The following RBBP8 variants were observed in gnomAD, a reference collection of about 807,000 sequenced individuals.
The protein encoded by RBBP8 is RB binding protein 8, endonuclease.
RBBP8 carries 88 observed loss-of-function variants against 108.3 expected under a neutral mutation model. The observed-to-expected ratio is 0.81, with a 90% confidence interval of 0.68 to 0.97. The LOEUF (loss-of-function observed/expected upper bound fraction) is 0.97. Ranked by LOEUF, RBBP8 falls within the 50% of genes least tolerant of loss-of-function variation. The probability of loss-of-function intolerance (pLI) is 0.00; values close to 1 mark genes in which losing one functional copy is unlikely to be tolerated. For synonymous variants in RBBP8, 332 were observed against 348.2 expected (o/e 0.95, Z 0.52); for missense variants, 1,023 against 1,049.0 (o/e 0.98, Z 0.34).
intron 5 of RBBP8, among the ~76,000 whole-genome samples, chr18:22,973,554 A>G (rs1914277486): frequency 6.6e-6 from 1 of 150,920 alleles, no homozygotes; most frequent in Admixed American, 6.6e-5. Flanking sequence ...TCTTTTAATG[A>G]CCACCTGACT....
chr18:22,921,590 T>A (rs1012645988), intron 3 of RBBP8, among the ~76,000 whole-genome samples: 5 of 152,220 alleles, frequency 3.3e-5, no homozygotes, highest in Non-Finnish European at 5.9e-5. Context: ...CTGCTTTTCC[T>A]TTAGTTTTAT....
In RBBP8 at chr18:22,924,126, G is replaced by GTTT. The variant is rs1567937530; in HGVS notation, c.-153-5257_-153-5256insTTT. On this transcript the variant is annotated intron_variant, in intron 3 of 4. Transcript: ENST00000577588. ...AGCATTTTTTAGTTAGTTTGTTTTT[G>GTTT]GTTTTTTTTTTTTTTTTTTTTGAGA... Among the ~76,000 whole-genome samples, 82 of 78,794 alleles carry GTTT rather than the reference G, an allele frequency of 1.0e-3. 1 individual carries two copies. The highest frequency in any genetic ancestry group is 4.6e-3 in the South Asian group (9 of 1,972). 51.7% of individuals were successfully genotyped at this position (78,794 alleles called of 152,430 possible).
In RBBP8 at chr18:22,993,722, G is replaced by A; in HGVS notation, c.1814G>A (p.Ser605Asn). ...ETENVLDDIKSAGSHEPIKIQ... is the reference protein window; with the variant it reads ...ETENVLDDIKNAGSHEPIKIQ... Reference sequence around the variant, plus strand: ...AGCTAACAATTATTTCTGTTTTAGAGTGCTGGTTCTCATGAGCCAATAAAA... The same window carrying A: ...AGCTAACAATTATTTCTGTTTTAGAATGCTGGTTCTCATGAGCCAATAAAA... The change falls in exon 12 of 19, where the codon AGT (serine) becomes AAT (asparagine). Residue 605 changes from serine (S) to asparagine (N), a missense_variant and splice_region_variant. Ser to Asn is a conservative substitution (Grantham distance 46, BLOSUM62 1). Coordinates refer to ENST00000327155, the MANE Select transcript of RBBP8 (RefSeq NM_002894.3). 2 of 1,614,188 alleles carry A rather than the reference G, an allele frequency of 1.2e-6. No individual in the cohort carries two copies. The highest frequency in any genetic ancestry group is 1.7e-6 in the Non-Finnish European group (2 of 1,180,028).
chr18:23,002,304 G>A (rs952196119), intron 15 of RBBP8, among the ~76,000 whole-genome samples: 1 of 152,138 alleles, frequency 6.6e-6, no homozygotes, highest in Non-Finnish European at 1.5e-5. Flanking sequence ...GCTACTTGGG[G>A]GCTGGAGCGA....
chr18:23,018,762 C>T (rs961921248), intron 17 of RBBP8, among the ~76,000 whole-genome samples: 1 of 152,086 alleles, frequency 6.6e-6, no homozygotes, highest in Non-Finnish European at 1.5e-5. Flanking sequence ...ATGTAGAACC[C>T]AAGGATATGA....
At chr18:22,955,640 C>T (rs1199130383) in intron 4 of RBBP8, among the ~76,000 whole-genome samples, 24 of 150,638 alleles carry the variant, frequency 1.6e-4, no homozygotes, top group South Asian at 2.1e-4. Context: ...TGCAGTGGCG[C>T]GATCTCTGCT....
Position 22,961,098 on chromosome 18 carries a change from C to T in RBBP8, c.249-7708C>T, listed in dbSNP as rs548763890. 1.5e-4 allele frequency among the ~76,000 whole-genome samples: 23 copies of T among 152,312 alleles called. 1 individual carries two copies. The South Asian group carries it at 4.8e-3, about 32-fold the overall frequency. On this transcript the variant is annotated intron_variant, in intron 4 of 18. Coordinates refer to ENST00000327155, the MANE Select transcript of RBBP8 (RefSeq NM_002894.3). ...TTTTGTTTGTTTAATTAAAGTTGTACTAGCTCCTAGTTTAACTTGTAAAAA... is the reference window on the plus strand; with the variant it reads ...TTTTGTTTGTTTAATTAAAGTTGTATTAGCTCCTAGTTTAACTTGTAAAAA...
At chr18:23,010,348 TC>T (rs2046134599) in intron 16 of RBBP8, among the ~76,000 whole-genome samples, 1 of 149,424 alleles carries the variant, frequency 6.7e-6, no homozygotes, top group African/African-American at 2.5e-5. Flanking sequence ...ATGCCTGTAA[TC>T]CCAGCACTTC....
At chr18:22,992,339 G>A (rs1372957327) in intron 10 of RBBP8, among the ~76,000 whole-genome samples, 1 of 152,146 alleles carries the variant, frequency 6.6e-6, no homozygotes, top group Non-Finnish European at 1.5e-5. Context: ...GGGATTACTG[G>A]CGTGTGCCAC....
chr18:22,916,741 G>A (rs1909376267), intron 2 of RBBP8, among the ~76,000 whole-genome samples: 2 of 152,002 alleles, frequency 1.3e-5, no homozygotes, highest in Non-Finnish European at 1.5e-5. Flanking sequence ...TTTTGTTTCA[G>A]ACTGATGAAA....
At chr18:22,997,978 G>C (rs2045888982) in intron 14 of RBBP8, among the ~76,000 whole-genome samples, 1 of 152,152 alleles carries the variant, frequency 6.6e-6, no homozygotes, top group African/African-American at 2.4e-5. Flanking sequence ...ATGACAGCCA[G>C]CTACCAGTTT....
At chr18:22,939,372 G>T (rs935050903) in intron 2 of RBBP8, among the ~76,000 whole-genome samples, 1 of 152,086 alleles carries the variant, frequency 6.6e-6, no homozygotes, top group Non-Finnish European at 1.5e-5. Context: ...CGGGTGTGGT[G>T]GTGCGCACCT....
At chr18:22,941,105 G>C (rs1911048182) in intron 2 of RBBP8, among the ~76,000 whole-genome samples, 1 of 151,952 alleles carries the variant, frequency 6.6e-6, no homozygotes, top group South Asian at 2.1e-4. Flanking sequence ...TTAGTGTATA[G>C]AAATACAACT....
chr18:22,921,071 T>C (rs1292948844), intron 3 of RBBP8, among the ~76,000 whole-genome samples: 2 of 152,164 alleles, frequency 1.3e-5, no homozygotes, highest in East Asian at 3.8e-4. Flanking sequence ...AATTCAAAAA[T>C]AGTGAAACAG....
At chr18:22,966,356 G>A (rs556699100) in intron 4 of RBBP8, among the ~76,000 whole-genome samples, 9 of 152,016 alleles carry the variant, frequency 5.9e-5, no homozygotes, top group South Asian at 4.2e-4. Context: ...TAGAAATTCC[G>A]ATTCTATTAA....
intron 6 of RBBP8, among the ~76,000 whole-genome samples, chr18:22,976,032 G>C (rs921890163): frequency 6.6e-6 from 1 of 152,074 alleles, no homozygotes; most frequent in African/African-American, 2.4e-5. Flanking sequence ...TGGCGTTATA[G>C]CGTTCCTAAA....
Position 22,954,795 on chromosome 18 carries a change from C to T in RBBP8, c.248+5082C>T, listed in dbSNP as rs116517012. 8.4e-3 allele frequency among the ~76,000 whole-genome samples: 1,283 copies of T among 152,192 alleles called. 21 individuals carry two copies. Among genetic ancestry groups the T allele is most frequent in the South Asian group, 0.029 (138 of 4,820 alleles). ...AATCATGGCGAAGGGGGAGTAAACA[C>T]GTCCTTCTTCACATGATGGCAGGAG... On this transcript the variant is annotated intron_variant, in intron 4 of 18. Transcript: ENST00000327155.
chr18:22,997,833 A>G (rs753038285), intron 14 of RBBP8, 99 bp downstream of exon 14: 32 of 856,294 alleles, frequency 3.7e-5, no homozygotes, highest in Non-Finnish European at 5.8e-5. Context: ...TCTTCACCAT[A>G]AAGCAGGTTT....
chr18:22,943,723 A>T (rs1911297662), intron 2 of RBBP8, among the ~76,000 whole-genome samples: 1 of 152,178 alleles, frequency 6.6e-6, no homozygotes, highest in Non-Finnish European at 1.5e-5. Context: ...GGTATTATTT[A>T]TAATTCAGAA....
Sources: gnomAD v4.1 joint callset for allele counts (sites outside exome capture counted in the v4.1 genomes callset) on GRCh38, gnomAD v4.1.1 for gene constraint, MANE v1.5 for transcripts, NCBI Gene and HGNC (gene_info 2026-07-23, HGNC 2026-07-21) for gene names.